Variants in MAPT observed in about 807,000 individuals in gnomAD.
MAPT encodes the protein microtubule-associated protein tau.
In MAPT, 34 loss-of-function variants were observed where a neutral mutation model predicts 67.9. That is an observed-to-expected ratio of 0.50 (90% CI 0.38 to 0.67). MAPT has a LOEUF of 0.67. MAPT is among the 30% of genes least tolerant of loss of function. The probability of loss-of-function intolerance (pLI) is 0.00; values close to 1 mark genes in which losing one functional copy is unlikely to be tolerated. For synonymous variants in MAPT, 456 were observed against 464.5 expected, an observed-to-expected ratio of 0.98 and a Z score of 0.23; for missense variants, 881 against 1,115.2, an observed-to-expected ratio of 0.79 and a Z score of 2.99.
chr17:45,941,649 C>T (rs1422563627), intron 1 of MAPT, among the ~76,000 whole-genome samples: 36 of 66,912 alleles, frequency 5.4e-4, no homozygotes, highest in African/African-American at 1.5e-3. Flanking sequence ...CCTCCTTCCC[C>T]CCTTCCACCC....
rs2144010801 is a variant in MAPT, at chr17:45,906,030, C to T, written c.-18+11344C>T. ...TGGTTCCTAGGGGTGAGGGCTGAGC[C>T]AGCAGGGTCCGTGCCCAGGAGGGAT... On this transcript the variant is annotated intron_variant, in intron 1 of 12. Coordinates refer to ENST00000262410, the MANE Select transcript of MAPT (RefSeq NM_001377265.1). The surrounding 1 kb of genome is among the most constrained non-coding windows in gnomAD (Gnocchi z 4.3). 6.6e-6 allele frequency among the ~76,000 whole-genome samples: 1 copy of T among 152,332 alleles called. No homozygotes were observed. Among genetic ancestry groups the T allele is most frequent in the East Asian group, 1.9e-4 (1 of 5,186 alleles).
intron 1 of MAPT, among the ~76,000 whole-genome samples, chr17:45,924,013 C>T (rs17564493): frequency 0.14 from 21,834 of 152,172 alleles, 2,142 homozygotes; most frequent in Middle Eastern, 0.22. Context: ...TGTAAGTGTT[C>T]GATTTAAAAT....
chr17:45,963,702 C>T lies in MAPT; in HGVS notation c.133+1232C>T, dbSNP rs1036242496. ...CGTGGAGTTGTGAGGTGGGAAGTGA[C>T]CTCTGCTGGATATGTCTATTCAGGA... is the stretch of plus-strand genomic sequence containing the variant. On this transcript the variant is annotated intron_variant, in intron 2 of 12. Transcript: ENST00000262410. Among the ~76,000 whole-genome samples the T allele has an allele frequency of 6.6e-5, 10 of 152,236 alleles. No homozygotes were observed. In the South Asian group the frequency reaches 8.3e-4, roughly 13 times the overall value.
intron 1 of MAPT, among the ~76,000 whole-genome samples, chr17:45,946,274 A>G (rs897100159): frequency 1.3e-5 from 2 of 152,082 alleles, no homozygotes; most frequent in Non-Finnish European, 2.9e-5. Context: ...TCACACAACC[A>G]CTGTCATCCT....
In MAPT at chr17:46,010,195, C is replaced by T; in HGVS notation, c.1999-115C>T. The T allele has an allele frequency of 2.7e-6, 2 of 747,420 alleles. No homozygotes were observed. The highest frequency in any genetic ancestry group is 2.9e-5 in the South Asian group (2 of 67,898). The allele number at this position is 747,420 out of a possible 1,614,324, so 46.3% of individuals were successfully genotyped here. On this transcript the variant is annotated intron_variant, in intron 9 of 12. Coordinates refer to ENST00000262410, the MANE Select transcript of MAPT (RefSeq NM_001377265.1). The surrounding 1 kb of genome is among the most constrained non-coding windows in gnomAD (Gnocchi z 4.7). ...CCGAAAGTGGAGGCATCCTTGCGAG[C>T]AAGTAGGCGGGTCCAGGGTGGCGCA... is the stretch of plus-strand genomic sequence containing the variant.
intron 1 of MAPT, among the ~76,000 whole-genome samples, chr17:45,932,594 CAAAA>C (rs982542546): frequency 4.0e-5 from 2 of 50,096 alleles, no homozygotes; most frequent in South Asian, 7.8e-4. Context: ...GACTCCATCT[CAAAA>C]AAAAAAAAAA....
At chr17:46,012,990 C>A (rs947284957) in intron 10 of MAPT, among the ~76,000 whole-genome samples, 10 of 152,178 alleles carry the variant, frequency 6.6e-5, no homozygotes, top group African/African-American at 2.2e-4. Flanking sequence ...CATCTCTGCC[C>A]CAGTTAACTC....
At chr17:45,999,723 C>A in intron 9 of MAPT, 1 of 1,391,862 alleles carries the variant, frequency 7.2e-7, no homozygotes, top group Non-Finnish European at 9.8e-7. Flanking sequence ...GGAGGCAGCA[C>A]GTCCAAATCT....
chr17:45,994,108 T>C (rs1036925396), intron 8 of MAPT: 19 of 807,816 alleles, frequency 2.4e-5, no homozygotes, highest in African/African-American at 3.5e-5. Context: ...AGCCTGAAGA[T>C]GGAGCAGTCC....
intron 1 of MAPT, among the ~76,000 whole-genome samples, chr17:45,922,253 C>CT (rs2065810007): frequency 6.6e-6 from 1 of 152,134 alleles, no homozygotes; most frequent in African/African-American, 2.4e-5. Flanking sequence ...AGCCATAACT[C>CT]TGTGACTCTT....
chr17:45,994,176 C>T (rs1568299793), intron 8 of MAPT, among the ~76,000 whole-genome samples: 1 of 152,192 alleles, frequency 6.6e-6, no homozygotes, highest in Non-Finnish European at 1.5e-5. Context: ...CTTTCTAATC[C>T]TGTGTGCTCT....
chr17:45,959,349 A>C (rs912391624), intron 1 of MAPT, among the ~76,000 whole-genome samples: 5 of 152,072 alleles, frequency 3.3e-5, no homozygotes, highest in African/African-American at 1.2e-4. Flanking sequence ...AAGCACAAAA[A>C]TTTTTTGGCA....
intron 8 of MAPT, 144 bp downstream of exon 8, chr17:45,991,730 T>C: frequency 3.9e-6 from 4 of 1,025,788 alleles, no homozygotes; most frequent in Non-Finnish European, 5.9e-6. Context: ...ACTGGAGTCT[T>C]CATTGCCTTC....
At chr17:45,958,451 G>A (rs1174080083) in intron 1 of MAPT, among the ~76,000 whole-genome samples, 2 of 152,312 alleles carry the variant, frequency 1.3e-5, no homozygotes, top group Admixed American at 6.5e-5. Context: ...TCGGCGCGGC[G>A]GCTCATGCCT....
Position 45,904,945 on chromosome 17 carries a change from T to C in MAPT, c.-18+10259T>C, listed in dbSNP as rs150593131. Among the ~76,000 whole-genome samples, 439 of 152,284 alleles carry C rather than the reference T, an allele frequency of 2.9e-3. 1 individual carries two copies. Among genetic ancestry groups the C allele is most frequent in the Non-Finnish European group, 4.8e-3 (328 of 68,026 alleles). ...CAGCAAAAGTCATGGTGTAGTCGCA[T>C]GTGAACCTGTCCCTTTCATAGCTGC... On this transcript the variant is annotated intron_variant, in intron 1 of 12. Transcript: ENST00000262410.
intron 1 of MAPT, among the ~76,000 whole-genome samples, chr17:45,955,008 C>CA (rs371204124): frequency 2.0e-5 from 3 of 151,334 alleles, no homozygotes; most frequent in Non-Finnish European, 3.0e-5. Context: ...AAAACAAAAA[C>CA]AAAAAAAAAT....
chr17:45,975,573 C>G (rs996403840), intron 3 of MAPT: 10 of 152,206 alleles, frequency 6.6e-5, no homozygotes, highest in African/African-American at 2.2e-4. Flanking sequence ...TTGAGTTTCT[C>G]TCCTCCTCTC....
At chr17:45,994,500 A>G (rs2074317903) in intron 8 of MAPT, among the ~76,000 whole-genome samples, 2 of 152,028 alleles carry the variant, frequency 1.3e-5, no homozygotes, top group Non-Finnish European at 2.9e-5. Flanking sequence ...TCCTATTGCC[A>G]CAGAGCGTAC....
rs2065104313 is a variant in MAPT, at chr17:45,915,270, A to G, written c.-18+20584A>G. ...GTGTGGTGTGTAAGCATGAGTGTGT[A>G]TGTGTGTGGTGTGGGGGTGTGTGCT... is the stretch of plus-strand genomic sequence containing the variant. On this transcript the variant is annotated intron_variant, in intron 1 of 12. Transcript: ENST00000262410. The surrounding 1 kb of genome is among the most constrained non-coding windows in gnomAD (Gnocchi z 4.4). Among the ~76,000 whole-genome samples the G allele has an allele frequency of 6.8e-6, 1 of 145,990 alleles. No homozygotes were observed. The highest frequency in any genetic ancestry group is 2.2e-4 in the South Asian group (1 of 4,520).
Sources: allele counts gnomAD v4.1 joint callset (sites outside exome capture counted in the v4.1 genomes callset), GRCh38; gene constraint gnomAD v4.1.1; non-coding constraint Gnocchi (gnomAD v3.1); transcripts MANE v1.5; gene names NCBI Gene and HGNC (gene_info 2026-07-23, HGNC 2026-07-21).